Variants in SUSD4 observed in about 807,000 individuals in gnomAD.
SUSD4 encodes the protein sushi domain containing 4, also known as sushi domain-containing protein 4.
In SUSD4, 41 loss-of-function variants were observed where a neutral mutation model predicts 50.5. That is an observed-to-expected ratio of 0.81 (90% CI 0.63 to 1.05). The LOEUF (loss-of-function observed/expected upper bound fraction) is 1.05, where lower values mean the gene tolerates loss of function less well. Ranked by LOEUF, SUSD4 falls within the 50% of genes least tolerant of loss-of-function variation. The pLI, the probability that SUSD4 is intolerant of heterozygous loss-of-function variation, is 0.00. For synonymous variants in SUSD4, 257 were observed against 257.3 expected, an observed-to-expected ratio of 1.00 and a Z score of 0.01; for missense variants, 580 against 634.7, an observed-to-expected ratio of 0.91 and a Z score of 0.93.
At chr1:223,315,779 A>G (rs371094690) in intron 2 of SUSD4, among the ~76,000 whole-genome samples, 114 of 152,330 alleles carry the variant, frequency 7.5e-4, no homozygotes, top group African/African-American at 2.6e-3. Context: ...AGATCTGATC[A>G]CTACGGCAGC....
At chr1:223,360,180 C>T (rs949474029) in intron 2 of SUSD4, 1 of 470,470 alleles carries the variant, frequency 2.1e-6, no homozygotes, top group African/African-American at 2.0e-5. Context: ...ATTTATAATA[C>T]AGAAATGTGC....
chr1:223,313,975 T>A (rs1666031092), intron 2 of SUSD4, among the ~76,000 whole-genome samples: 1 of 152,134 alleles, frequency 6.6e-6, no homozygotes, highest in African/African-American at 2.4e-5. Flanking sequence ...CACCCCTTAT[T>A]TAGCATATAA....
In SUSD4 at chr1:223,351,996, G is replaced by A. The variant is rs533547596; in HGVS notation, c.148+11282C>T. 2.5e-3 allele frequency among the ~76,000 whole-genome samples: 378 copies of A among 152,008 alleles called. 1 individual carries two copies. Among genetic ancestry groups the A allele is most frequent in the Non-Finnish European group, 4.3e-3 (289 of 67,996 alleles). On this transcript the variant is annotated intron_variant, in intron 2 of 8. Coordinates refer to ENST00000366878, the MANE Select transcript of SUSD4 (RefSeq NM_017982.4). ...GCCAAGTATTAGAAGACCAAGGCAC[G>A]TAGGCAGCAAGATGCACAGAAACCA...
intron 2 of SUSD4, among the ~76,000 whole-genome samples, chr1:223,330,689 C>T (rs562170921): frequency 6.6e-6 from 1 of 152,336 alleles, no homozygotes; most frequent in East Asian, 1.9e-4. Flanking sequence ...GTTAGCACCC[C>T]AGGCAACAGG....
At chr1:223,311,370 G>A (rs1665864593) in intron 2 of SUSD4, among the ~76,000 whole-genome samples, 1 of 152,196 alleles carries the variant, frequency 6.6e-6, no homozygotes, top group Non-Finnish European at 1.5e-5. Context: ...ACTACCTGGA[G>A]GATAAAAGGA....
chr1:223,265,639 T>C (rs1662442606), intron 4 of SUSD4, among the ~76,000 whole-genome samples: 1 of 152,304 alleles, frequency 6.6e-6, no homozygotes, highest in Middle Eastern at 3.4e-3. Context: ...AGTGTGGAAG[T>C]GGGACCTGGA....
intron 3 of SUSD4, among the ~76,000 whole-genome samples, chr1:223,274,049 TG>T (rs1663095395): frequency 6.6e-6 from 1 of 152,066 alleles, no homozygotes; most frequent in South Asian, 2.1e-4. Flanking sequence ...AGGGGGGTCT[TG>T]GGGACTCTGA....
chr1:223,354,117 C>G (rs1317043778), intron 2 of SUSD4, among the ~76,000 whole-genome samples: 1 of 152,046 alleles, frequency 6.6e-6, no homozygotes, highest in African/African-American at 2.4e-5. Context: ...GTGGATTCTC[C>G]ACCCCCTCAT....
rs1659783605 is a variant in SUSD4 at position 223,229,984 on chromosome 1, GCCA to G, written c.725-599_725-597del. ...TGCCTTGGGCATGAGGCTTGGTTCTGCCACCAACACCACACTGTGTGACCTTAA... is the reference window on the plus strand; with the variant it reads ...TGCCTTGGGCATGAGGCTTGGTTCTGCCAACACCACACTGTGTGACCTTAA... On this transcript the variant is annotated intron_variant, in intron 5 of 8. Transcript: ENST00000366878. This position sits in a 1 kb window ranked among gnomAD's most constrained non-coding sequence, Gnocchi z 4.7. Among the ~76,000 whole-genome samples the G allele has an allele frequency of 2.0e-5, 3 of 152,178 alleles. No homozygotes were observed. Among genetic ancestry groups the G allele is most frequent in the Admixed American group, 2.0e-4 (3 of 15,288 alleles).
chr1:223,357,954 A>G (rs1384149038), intron 2 of SUSD4, among the ~76,000 whole-genome samples: 1 of 152,156 alleles, frequency 6.6e-6, no homozygotes, highest in African/African-American at 2.4e-5. Context: ...ATTTAGACAT[A>G]CTGTTACTAT....
At chr1:223,334,283 A>C (rs975982785) in intron 2 of SUSD4, among the ~76,000 whole-genome samples, 8 of 152,098 alleles carry the variant, frequency 5.3e-5, no homozygotes, top group Non-Finnish European at 1.2e-4. Context: ...CTGGAAAAAA[A>C]GTTATGGAAA....
intron 2 of SUSD4, among the ~76,000 whole-genome samples, chr1:223,321,980 G>A (rs903483379): frequency 7.2e-5 from 11 of 152,226 alleles, no homozygotes; most frequent in East Asian, 3.9e-4. Flanking sequence ...TATAGTTACC[G>A]ATTGAGCATC....
At chr1:223,360,690 T>C (rs1006444279) in intron 2 of SUSD4, among the ~76,000 whole-genome samples, 20 of 152,330 alleles carry the variant, frequency 1.3e-4, no homozygotes, top group Admixed American at 3.3e-4. Context: ...GCTTTTTTTT[T>C]CTCCTAGCTG....
At chr1:223,278,114 C>G (rs1044581292) in intron 3 of SUSD4, among the ~76,000 whole-genome samples, 1 of 152,126 alleles carries the variant, frequency 6.6e-6, no homozygotes, top group Non-Finnish European at 1.5e-5. Flanking sequence ...AGGAACAGCT[C>G]CGGTCTATGG....
At chr1:223,299,873 T>C (rs1307603848) in intron 2 of SUSD4, among the ~76,000 whole-genome samples, 1 of 152,054 alleles carries the variant, frequency 6.6e-6, no homozygotes, top group African/African-American at 2.4e-5. Flanking sequence ...TCTCAGGCCT[T>C]TAGACTTAAG....
intron 3 of SUSD4, among the ~76,000 whole-genome samples, chr1:223,272,300 G>A (rs1662971799): frequency 6.6e-6 from 1 of 152,174 alleles, no homozygotes; most frequent in Non-Finnish European, 1.5e-5. Context: ...GTAACTTGAA[G>A]GATATCAAAG....
Position 223,343,526 on chromosome 1 carries a change from T to C in SUSD4, c.148+19752A>G, listed in dbSNP as rs1667871746. On this transcript the variant is annotated intron_variant, in intron 2 of 8. Transcript: ENST00000366878. ...TTACAATGATGCTCTAAAAGATTTA[T>C]TTTTAAAAGATTAATAAAAATATGA... is the stretch of plus-strand genomic sequence containing the variant. Among the ~76,000 whole-genome samples the C allele has an allele frequency of 2.6e-5, 4 of 152,296 alleles. No individual in the cohort carries two copies. The South Asian group carries it at 8.3e-4, about 32-fold the overall frequency.
chr1:223,252,230 A>ATATATAT (rs1553285623), intron 5 of SUSD4, among the ~76,000 whole-genome samples: 4 of 64,710 alleles, frequency 6.2e-5, no homozygotes, highest in African/African-American at 1.4e-4. Context: ...AAAAAAAAAA[A>ATATATAT]AAAAAAATAT....
intron 2 of SUSD4, among the ~76,000 whole-genome samples, chr1:223,353,897 C>T (rs537928285): frequency 1.6e-3 from 237 of 152,154 alleles, no homozygotes; most frequent in Non-Finnish European, 3.0e-3. Context: ...TAGCTTTGTC[C>T]TCCCATTGAA....
Sources: gnomAD v4.1 joint callset for allele counts (sites outside exome capture counted in the v4.1 genomes callset) on GRCh38, gnomAD v4.1.1 for gene constraint, Gnocchi (gnomAD v3.1) non-coding constraint, MANE v1.5 for transcripts, NCBI Gene and HGNC (gene_info 2026-07-23, HGNC 2026-07-21) for gene names.